RPS6KA5: variants seen among roughly 807,000 people sequenced by gnomAD.
RPS6KA5 encodes the protein ribosomal protein S6 kinase A5.
Under a neutral mutation model 85.5 loss-of-function variants are expected in RPS6KA5, and 27 were observed. The observed-to-expected ratio is 0.32, with a 90% CI of 0.23 to 0.44. The LOEUF is 0.44. RPS6KA5 is among the 20% of genes least tolerant of loss of function. RPS6KA5 has a pLI of 1.00. For missense variants in RPS6KA5, 811 were observed against 980.9 expected, an observed-to-expected ratio of 0.83 and a Z score of 2.31; for synonymous variants, 334 against 348.2, an observed-to-expected ratio of 0.96 and a Z score of 0.46.
At chr14:91,050,768 A>C (rs907535053) in intron 1 of RPS6KA5, among the ~76,000 whole-genome samples, 1 of 151,750 alleles carries the variant, frequency 6.6e-6, no homozygotes, top group Non-Finnish European at 1.5e-5. Context: ...AAAAAATAAA[A>C]ATAAAAAAAA....
intron 2 of RPS6KA5, among the ~76,000 whole-genome samples, chr14:90,995,294 CT>C (rs1452371245): frequency 1.3e-5 from 2 of 152,088 alleles, no homozygotes; most frequent in African/African-American, 4.8e-5. Context: ...CAGGATTTTT[CT>C]TTTTTTAAAT....
chr14:90,898,177 C>CT (rs1349881055), intron 12 of RPS6KA5, among the ~76,000 whole-genome samples: 1 of 152,154 alleles, frequency 6.6e-6, no homozygotes, highest in Non-Finnish European at 1.5e-5. Context: ...AGATCCCAGC[C>CT]TTACCACACT....
In RPS6KA5 at chr14:90,866,892, C is replaced by T. The variant is rs1026270308; in HGVS notation, c.*5182G>A. The T allele has an allele frequency of 6.6e-6, 1 of 152,166 alleles. No individual in the cohort carries two copies. Among genetic ancestry groups the T allele is most frequent in the African/African-American group, 2.4e-5 (1 of 41,450 alleles). The allele number at this position is 152,166 out of a possible 1,614,324, so 9.4% of individuals were successfully genotyped here. On this transcript the variant is annotated 3_prime_UTR_variant, in exon 17 of 17. Transcript: ENST00000614987. ...CAGCCAAAGAATGAGAATTATTGTA[C>T]ATTGCTAGTATTTATAATTTCAGCA...
intron 1 of RPS6KA5, among the ~76,000 whole-genome samples, chr14:91,025,954 T>C (rs769265349): frequency 2.0e-5 from 3 of 152,158 alleles, no homozygotes; most frequent in Non-Finnish European, 4.4e-5. Flanking sequence ...GTAGTGACCA[T>C]AGTATCCAAC....
At chr14:90,955,204 T>C (rs1222593117) in intron 3 of RPS6KA5, among the ~76,000 whole-genome samples, 1 of 152,226 alleles carries the variant, frequency 6.6e-6, no homozygotes, top group Non-Finnish European at 1.5e-5. Flanking sequence ...CTTGCTTTTT[T>C]AATTTTAGCT....
chr14:91,040,254 C>A (rs987897032), intron 1 of RPS6KA5, among the ~76,000 whole-genome samples: 1 of 151,914 alleles, frequency 6.6e-6, no homozygotes, highest in Admixed American at 6.6e-5. Context: ...ACTAAAAATA[C>A]AAAAATTAGT....
intron 13 of RPS6KA5, among the ~76,000 whole-genome samples, chr14:90,893,277 CT>C (rs2034658619): frequency 6.6e-6 from 1 of 152,060 alleles, no homozygotes; most frequent in Non-Finnish European, 1.5e-5. Flanking sequence ...AGAGTGAGAA[CT>C]ATGATGAAGG....
intron 1 of RPS6KA5, among the ~76,000 whole-genome samples, chr14:91,058,396 T>C (rs147553232): frequency 6.6e-6 from 1 of 152,202 alleles, no homozygotes; most frequent in Non-Finnish European, 1.5e-5. Flanking sequence ...TAGCATTGTT[T>C]GCAAAATCCA....
At chr14:90,969,411 A>G (rs2039220321) in intron 3 of RPS6KA5, among the ~76,000 whole-genome samples, 1 of 152,210 alleles carries the variant, frequency 6.6e-6, no homozygotes, top group African/African-American at 2.4e-5. Flanking sequence ...CACTTTTATT[A>G]GCAGATGGAG....
intron 3 of RPS6KA5, among the ~76,000 whole-genome samples, chr14:90,969,338 T>A (rs1377732347): frequency 6.6e-6 from 1 of 152,240 alleles, no homozygotes; most frequent in African/African-American, 2.4e-5. Flanking sequence ...GCTGCTCGTC[T>A]TTGCACATCT....
intron 5 of RPS6KA5, among the ~76,000 whole-genome samples, chr14:90,926,403 C>CA (rs575537273): frequency 3.3e-4 from 47 of 140,384 alleles, no homozygotes; most frequent in African/African-American, 9.4e-4. Flanking sequence ...AAAAAAAAAA[C>CA]AAAAAAAAAG....
Position 90,890,585 on chromosome 14 carries a change from T to C in RPS6KA5, c.1738A>G (p.Lys580Glu), listed in dbSNP as rs748456297. The change falls in exon 14 of 17, where the codon AAG (lysine) becomes GAG (glutamate). Residue 580 changes from lysine to glutamate, a missense_variant. Lys to Glu is a moderately conservative substitution (Grantham distance 56). This residue lies in a region of RPS6KA5 where 650 missense variants were observed against 793.4 expected (regional missense o/e 0.82). Coordinates refer to ENST00000614987, the MANE Select transcript of RPS6KA5 (RefSeq NM_004755.4). Reference protein sequence around the residue: ...RLKPPDNQPLKTPCFTLHYAA... With the variant: ...RLKPPDNQPLETPCFTLHYAA... ...TAATGAAGGGTGAAGCATGGAGTCT[T>C]CAGGGGCTGATTATCCGGTGGCTTT... 6.2e-7 allele frequency: 1 copy of C among 1,614,196 alleles called. No individual in the cohort carries two copies.
intron 3 of RPS6KA5, among the ~76,000 whole-genome samples, chr14:90,950,690 A>AT (rs2038127535): frequency 6.6e-6 from 1 of 152,154 alleles, no homozygotes; most frequent in Non-Finnish European, 1.5e-5. Context: ...TATTAAACTG[A>AT]TTGACTTTTG....
intron 6 of RPS6KA5, 47 bp from the exon 7 acceptor site, chr14:90,920,356 A>G (rs981430504): frequency 1.6e-6 from 2 of 1,269,652 alleles, no homozygotes; most frequent in Non-Finnish European, 2.2e-6. Context: ...CAACTAAAAT[A>G]TTTTATAAGA....
intron 3 of RPS6KA5, among the ~76,000 whole-genome samples, chr14:90,963,419 G>A (rs1434250857): frequency 6.6e-6 from 1 of 152,096 alleles, no homozygotes; most frequent in Non-Finnish European, 1.5e-5. Context: ...ATTTTAGGGA[G>A]AGGAATTGAG....
At chr14:90,900,846 T>C (rs1317345914) in intron 9 of RPS6KA5, 110 bp from the exon 10 acceptor site, 1 of 825,084 alleles carries the variant, frequency 1.2e-6, no homozygotes, top group East Asian at 2.8e-5. Context: ...AAATATTTGT[T>C]GAGATGAGTC....
intron 3 of RPS6KA5, among the ~76,000 whole-genome samples, chr14:90,956,640 T>C (rs1268053602): frequency 6.6e-6 from 1 of 152,006 alleles, no homozygotes; most frequent in African/African-American, 2.4e-5. Context: ...GTGCAACATT[T>C]TAATTCCTTT....
chr14:90,853,804 G>A lies in RPS6KA5; in HGVS notation c.*18270C>T, dbSNP rs182580982. On this transcript the variant is annotated 3_prime_UTR_variant, in exon 17 of 17. Coordinates refer to ENST00000614987, the MANE Select transcript of RPS6KA5 (RefSeq NM_004755.4). The stretch of plus-strand genomic sequence containing the variant: ...TTATTCCCTCTTAAAGCTGTATTAG[G>A]TCTTTAGGAAATCAATGTGGTGTTA... 6.6e-6 allele frequency: 1 copy of A among 152,220 alleles called. No individual in the cohort carries two copies. The highest frequency in any genetic ancestry group is 1.9e-4 in the East Asian group (1 of 5,188). 9.4% of individuals were successfully genotyped at this position (152,220 alleles called of 1,614,324 possible). A position where few individuals can be genotyped will look rare whatever the true frequency, so the allele number is the denominator to read the frequency against.
intron 2 of RPS6KA5, among the ~76,000 whole-genome samples, chr14:90,990,163 A>C (rs1025323383): frequency 1.3e-5 from 2 of 152,198 alleles, no homozygotes; most frequent in Non-Finnish European, 2.9e-5. Context: ...ACTAGAAAGT[A>C]GGCGGACAAA....
Sources: allele counts gnomAD v4.1 joint callset (sites outside exome capture counted in the v4.1 genomes callset), GRCh38; gene constraint gnomAD v4.1.1; regional missense constraint gnomAD v4.1.1; transcripts MANE v1.5; gene names NCBI Gene and HGNC (gene_info 2026-07-23, HGNC 2026-07-21).